LYZL2: variants seen among roughly 807,000 people sequenced by gnomAD.
The protein encoded by LYZL2 is lysozyme-like protein 2.
LYZL2 carries 13 observed loss-of-function variants against 17.1 expected under a neutral mutation model. The observed-to-expected ratio is 0.76, with a 90% CI of 0.49 to 1.21. The LOEUF (loss-of-function observed/expected upper bound fraction) is 1.21. LYZL2 is among the 50% of genes most tolerant of loss of function. LYZL2 has a pLI of 0.00. For missense variants in LYZL2, 166 were observed against 189.2 expected, an observed-to-expected ratio of 0.88 and a Z score of 0.72; for synonymous variants, 63 against 74.4, an observed-to-expected ratio of 0.85 and a Z score of 0.79.
chr10:30,623,305 T>G (rs1323544597), intron 3 of LYZL2, among the ~76,000 whole-genome samples: 4 of 152,226 alleles, frequency 2.6e-5, no homozygotes, highest in African/African-American at 7.2e-5. Flanking sequence ...ATACACATTT[T>G]TTTTCCAAAT....
chr10:30,610,991 T>G (rs1268880462), downstream of LYZL2, among the ~76,000 whole-genome samples: 1 of 152,112 alleles, frequency 6.6e-6, no homozygotes, highest in African/African-American at 2.4e-5. Flanking sequence ...GGGGTACTCT[T>G]AAGGGGGTCC....
At chr10:30,614,086 C>T (rs1838491304) in intron 3 of LYZL2, among the ~76,000 whole-genome samples, 1 of 152,170 alleles carries the variant, frequency 6.6e-6, no homozygotes, top group East Asian at 1.9e-4. Context: ...CACATTCTTT[C>T]CTGCTTGCTT....
intron 3 of LYZL2, among the ~76,000 whole-genome samples, chr10:30,623,621 T>C (rs406896): frequency 0.68 from 103,736 of 152,044 alleles, 36,006 homozygotes; most frequent in African/African-American, 0.75. Context: ...GGTTACATTC[T>C]CCTTATGAGA....
At position 30,625,980 on chromosome 10, in the gene LYZL2, T is replaced by A; in HGVS notation, c.298+125A>T. On this transcript the variant is annotated intron_variant, in intron 3 of 4. Transcript: ENST00000647634. The stretch of plus-strand genomic sequence containing the variant: ...GAAACTGTTGCATAATTTACCAATC[T>A]TGAACAGACCTATTTGCAAGTCTGA... 3 of 1,437,410 alleles carry A rather than the reference T, an allele frequency of 2.1e-6. No individual in the cohort carries two copies. In the South Asian group the frequency reaches 4.1e-5, roughly 20 times the overall value. The allele number at this position is 1,437,410 out of a possible 1,614,324, so 89.0% of individuals were successfully genotyped here.
At chr10:30,628,317 C>T (rs1222706232) in intron 1 of LYZL2, among the ~76,000 whole-genome samples, 1 of 152,182 alleles carries the variant, frequency 6.6e-6, no homozygotes. Context: ...CTTTGCTAAG[C>T]TTCACAACCA....
At chr10:30,607,100 C>T (rs940540278), downstream of LYZL2, among the ~76,000 whole-genome samples, 23 of 116,414 alleles carry the variant, frequency 2.0e-4, no homozygotes, top group Admixed American at 1.8e-3. Context: ...TTAGTGGAGA[C>T]GGGGTTTCAC....
intron 3 of LYZL2, among the ~76,000 whole-genome samples, chr10:30,621,194 A>C (rs1838613170): frequency 6.6e-6 from 1 of 151,962 alleles, no homozygotes; most frequent in East Asian, 1.9e-4. Context: ...CAACTAGAGA[A>C]AAAAAACACA....
downstream of LYZL2, among the ~76,000 whole-genome samples, chr10:30,609,325 G>C (rs753184648): frequency 6.6e-6 from 1 of 152,160 alleles, no homozygotes; most frequent in Non-Finnish European, 1.5e-5. Context: ...GAGCACTAGG[G>C]GGTTAGAGGA....
chr10:30,617,480 A>G (rs1838546505), intron 3 of LYZL2, among the ~76,000 whole-genome samples: 1 of 152,064 alleles, frequency 6.6e-6, no homozygotes, highest in Non-Finnish European at 1.5e-5. Flanking sequence ...GTTTGAGACC[A>G]GCCTGGCCAA....
rs140005209 is a variant in LYZL2 at position 30,626,968 on chromosome 10, A to G, written c.-25-28T>C. On this transcript the variant is annotated intron_variant, in intron 1 of 4. Coordinates refer to ENST00000647634, the MANE Select transcript of LYZL2 (RefSeq NM_183058.3). ...GCCAAAGAGCCGGAGAACAGGTCAGACGATCTTGATTCAGGAACTTCGAAA... is the reference window on the plus strand; with the variant it reads ...GCCAAAGAGCCGGAGAACAGGTCAGGCGATCTTGATTCAGGAACTTCGAAA... 15,135 of 1,610,712 alleles carry G rather than the reference A, an allele frequency of 9.4e-3. 384 individuals are homozygous for G. In the East Asian group the frequency reaches 0.15, roughly 16 times the overall value.
chr10:30,622,815 T>A (rs1433972145), intron 3 of LYZL2, among the ~76,000 whole-genome samples: 1 of 152,224 alleles, frequency 6.6e-6, no homozygotes, highest in Non-Finnish European at 1.5e-5. Flanking sequence ...AGGCAAACAT[T>A]TGCTGACCTA....
chr10:30,611,523 AAAAG>A (rs1389931265), downstream of LYZL2, among the ~76,000 whole-genome samples: 1 of 107,610 alleles, frequency 9.3e-6, no homozygotes, highest in Non-Finnish European at 2.0e-5. Flanking sequence ...GAAGGAAGGA[AAAAG>A]AAAGAAGGAA....
rs1050462927 is a variant in LYZL2 at position 30,628,824 on chromosome 10, G to A, written c.-26+769C>T. Among the ~76,000 whole-genome samples, 12 of 152,320 alleles carry A rather than the reference G, an allele frequency of 7.9e-5. 1 individual carries two copies. The Middle Eastern group carries it at 0.02, about 259-fold the overall frequency. ...AGATAAGGAACTGCATTGCATGAGG[G>A]GCATGTACATTACAAACGTGAATAG... On this transcript the variant is annotated intron_variant, in intron 1 of 4. Transcript: ENST00000647634.
At chr10:30,613,222 G>T (rs752251917) in intron 3 of LYZL2, among the ~76,000 whole-genome samples, 1 of 152,176 alleles carries the variant, frequency 6.6e-6, no homozygotes, top group Non-Finnish European at 1.5e-5. Flanking sequence ...GCACAGGCCG[G>T]GCGTGGTGGC....
intron 3 of LYZL2, among the ~76,000 whole-genome samples, chr10:30,620,795 T>C (rs1838607089): frequency 6.6e-6 from 1 of 151,496 alleles, no homozygotes; most frequent in African/African-American, 2.4e-5. Context: ...AGAAACAAAA[T>C]TATGATGCCA....
At chr10:30,610,122 TAA>T (rs5784209), downstream of LYZL2, among the ~76,000 whole-genome samples, 142 of 150,000 alleles carry the variant, frequency 9.5e-4, 1 homozygote, top group African/African-American at 1.7e-3. Flanking sequence ...GCTGATGAGC[TAA>T]AAAAAAAAAA....
chr10:30,612,691 T>A (rs1838462760), intron 4 of LYZL2, 131 bp downstream of exon 4: 4 of 665,114 alleles, frequency 6.0e-6, no homozygotes, highest in South Asian at 5.5e-5. Flanking sequence ...GAGGAGAATA[T>A]AGACAAGGTC....
In LYZL2 at chr10:30,629,674, G is replaced by A. The variant is rs138080049; in HGVS notation, c.-107C>T. On this transcript the variant is annotated 5_prime_UTR_variant, in exon 1 of 5. Transcript: ENST00000647634. ...GGAAGAAACACTGCTCCACTTAGTC[G>A]GTGACAGGCAGCTCAGGGGAGCGTC... 3.0e-4 allele frequency: 481 copies of A among 1,613,922 alleles called. 3 individuals carry two copies. The Middle Eastern group carries it at 8.4e-3, about 28-fold the overall frequency.
rs557757454 is a variant in LYZL2, at chr10:30,627,293, CTA to C, written c.-25-355_-25-354del. 1.3e-4 allele frequency among the ~76,000 whole-genome samples: 20 copies of C among 151,910 alleles called. No homozygotes were observed. The South Asian group carries it at 4.2e-3, about 32-fold the overall frequency. On this transcript the variant is annotated intron_variant, in intron 1 of 4. Coordinates refer to ENST00000647634, the MANE Select transcript of LYZL2 (RefSeq NM_183058.3). ...ATAGAATACAGGGGTGAAACATTCC[CTA>C]TACTGCTGACCCTTGAACATCATGG...
Sources: gnomAD v4.1 joint callset for allele counts (sites outside exome capture counted in the v4.1 genomes callset) on GRCh38, gnomAD v4.1.1 for gene constraint, MANE v1.5 for transcripts, NCBI Gene and HGNC (gene_info 2026-07-23, HGNC 2026-07-21) for gene names.